The following UBR4 variants were observed in gnomAD, a reference collection of about 807,000 sequenced individuals.
UBR4 encodes ubiquitin protein ligase E3 component n-recognin 4.
In UBR4, 124 loss-of-function variants were observed where a neutral mutation model predicts 575.6. The observed-to-expected ratio is 0.22, with a 90% CI of 0.19 to 0.25. The LOEUF is 0.25. Among genes scored for constraint, UBR4 ranks in the 10% least tolerant of loss-of-function variants. UBR4 has a pLI of 1.00. For missense variants in UBR4, 4,818 were observed against 6,478.8 expected (o/e 0.74, Z 8.80); for synonymous variants, 2,455 against 2,473.7 (o/e 0.99, Z 0.22).
intron 105 of UBR4, among the ~76,000 whole-genome samples, chr1:19,076,419 C>G (rs1224857478): frequency 6.6e-6 from 1 of 152,240 alleles, no homozygotes; most frequent in Admixed American, 6.5e-5. Flanking sequence ...ATTTGATCTT[C>G]AGAGCCTCAT....
intron 60 of UBR4, among the ~76,000 whole-genome samples, chr1:19,135,402 T>C (rs1557728337): frequency 6.6e-6 from 1 of 152,254 alleles, no homozygotes; most frequent in East Asian, 1.9e-4. Flanking sequence ...TAAATGTTAG[T>C]ATCAACTTGT....
intron 60 of UBR4, among the ~76,000 whole-genome samples, chr1:19,134,594 T>C (rs951135908): frequency 6.6e-6 from 1 of 152,196 alleles, no homozygotes; most frequent in Non-Finnish European, 1.5e-5. Context: ...AAGGCCAAGA[T>C]GTTCTGAAGG....
At chr1:19,154,467 T>A (rs2086170817) in intron 44 of UBR4, among the ~76,000 whole-genome samples, 1 of 152,182 alleles carries the variant, frequency 6.6e-6, no homozygotes, top group African/African-American at 2.4e-5. Flanking sequence ...CTCTATTATT[T>A]GCAAACTTGT....
intron 73 of UBR4, among the ~76,000 whole-genome samples, chr1:19,116,228 C>A (rs2080513272): frequency 6.6e-6 from 1 of 152,186 alleles, no homozygotes; most frequent in South Asian, 2.1e-4. Context: ...GGGGTCCTAC[C>A]TCCATTTTAT....
At position 19,141,888 on chromosome 1, in the gene UBR4, C is replaced by T. The variant is rs186392903; in HGVS notation, c.8180-111G>A. 1,226 of 1,494,058 alleles carry T rather than the reference C, an allele frequency of 8.2e-4. 6 individuals carry two copies. In the African/African-American group the frequency reaches 0.015, roughly 18 times the overall value. The allele number at this position is 1,494,058 out of a possible 1,614,324, so 92.6% of individuals were successfully genotyped here. A position where few individuals can be genotyped will look rare whatever the true frequency, so the allele number is the denominator to read the frequency against. On this transcript the variant is annotated intron_variant, in intron 55 of 105. Coordinates refer to ENST00000375254, the MANE Select transcript of UBR4 (RefSeq NM_020765.3). The stretch of plus-strand genomic sequence containing the variant: ...CCAAGACAAGCTACCAGCTAGCACC[C>T]TGGGCTTTAGCGGGAGAACTCCGGG...
intron 61 of UBR4, 82 bp downstream of exon 61, chr1:19,128,895 AG>A: frequency 7.8e-7 from 1 of 1,284,412 alleles, no homozygotes; most frequent in South Asian, 1.2e-5. Flanking sequence ...GAAGGCTTCC[AG>A]GTCCTCTGGA....
chr1:19,110,048 G>A lies in UBR4; in HGVS notation c.12105+48C>T. The A allele has an allele frequency of 1.9e-6, 3 of 1,610,694 alleles. No individual in the cohort carries two copies. Among genetic ancestry groups the A allele is most frequent in the Non-Finnish European group, 2.5e-6 (3 of 1,178,774 alleles). ...AGGGCACACTGCCAGGGAATGAGGA[G>A]GGTGGCCGCCCTGCCCTTCCTTGTT... On this transcript the variant is annotated intron_variant, in intron 81 of 105. Coordinates refer to ENST00000375254, the MANE Select transcript of UBR4 (RefSeq NM_020765.3). This position sits in a 1 kb window ranked among gnomAD's most constrained non-coding sequence, Gnocchi z 4.5.
At chr1:19,171,397 A>G (rs1463690888) in intron 25 of UBR4, among the ~76,000 whole-genome samples, 3 of 152,188 alleles carry the variant, frequency 2.0e-5, no homozygotes, top group Non-Finnish European at 4.4e-5. Flanking sequence ...CCTGGCACGT[A>G]GCAGCCATAC....
chr1:19,158,060 C>T (rs1477414191), intron 39 of UBR4, 63 bp from the exon 40 acceptor site: 29 of 1,544,830 alleles, frequency 1.9e-5, no homozygotes, highest in Non-Finnish European at 2.3e-5. Flanking sequence ...AGTGGATTCA[C>T]GCACTATTCA....
At chr1:19,102,515 G>A (rs948229489) in intron 87 of UBR4, among the ~76,000 whole-genome samples, 2 of 151,362 alleles carry the variant, frequency 1.3e-5, no homozygotes, top group Non-Finnish European at 2.9e-5. Context: ...TAAGGCAAAC[G>A]AGGTTCCCTG....
chr1:19,118,418 C>CTTT (rs35059878), intron 71 of UBR4: 89 of 130,212 alleles, frequency 6.8e-4, no homozygotes, highest in African/African-American at 2.2e-3. Context: ...AACTAAAGAC[C>CTTT]TTTTTTTTTT....
intron 60 of UBR4, among the ~76,000 whole-genome samples, chr1:19,136,751 G>A (rs2083243703): frequency 6.6e-6 from 1 of 152,052 alleles, no homozygotes; most frequent in Non-Finnish European, 1.5e-5. Context: ...AAATCATAGA[G>A]ACCAAATTAA....
intron 5 of UBR4, among the ~76,000 whole-genome samples, chr1:19,198,335 G>T (rs1320510327): frequency 1.3e-5 from 2 of 152,176 alleles, no homozygotes; most frequent in Non-Finnish European, 2.9e-5. Flanking sequence ...AGCCTAGAAT[G>T]GTCGTCAAAA....
Position 19,119,574 on chromosome 1 carries a change from G to C in UBR4, c.10438C>G (p.Pro3480Ala), listed in dbSNP as rs754149289. The C allele has an allele frequency of 1.2e-6, 2 of 1,613,506 alleles. No individual in the cohort carries two copies. Among genetic ancestry groups the C allele is most frequent in the Non-Finnish European group, 1.7e-6 (2 of 1,179,462 alleles). ...DLLGYFSLKT[P>A]QTEKKLKEYS... Reference sequence around the variant, plus strand: ...ACTGTTACCTTCTTCTCTGTTTGTGGAGTTTTCAGGGAGAAATATCCTAGT... The same window carrying C: ...ACTGTTACCTTCTTCTCTGTTTGTGCAGTTTTCAGGGAGAAATATCCTAGT... The change falls in exon 70 of 106, where the codon CCA (proline) becomes GCA (alanine). Residue 3480 changes from proline (P) to alanine (A), a missense_variant. Coordinates refer to ENST00000375254, the MANE Select transcript of UBR4 (RefSeq NM_020765.3).
rs1273242998 is a variant in UBR4, at chr1:19,155,036, A to G, written c.6340T>C (p.Tyr2114His). ...AACATCTGCAACACGTGGGAGTAGT[A>G]CACGGACACACCACCGCCCGCCACC... ...SQVAGGGVSV[Y>H]YSHVLQMLFF... The change falls in exon 44 of 106, where the codon TAC becomes CAC. Residue 2114 changes from tyrosine to histidine, a missense_variant. Tyr to His is a moderately conservative substitution (Grantham distance 83). Coordinates refer to ENST00000375254, the MANE Select transcript of UBR4 (RefSeq NM_020765.3). 6.2e-7 allele frequency: 1 copy of G among 1,613,990 alleles called. No homozygotes were observed. The highest frequency in any genetic ancestry group is 8.5e-7 in the Non-Finnish European group (1 of 1,180,012).
intron 67 of UBR4, 95 bp from the exon 68 acceptor site, chr1:19,121,529 G>T (rs975370479): frequency 4.8e-6 from 7 of 1,444,058 alleles, no homozygotes; most frequent in Non-Finnish European, 5.6e-6. Context: ...AGACTGCCCT[G>T]TTCTCACCAG....
intron 73 of UBR4, among the ~76,000 whole-genome samples, chr1:19,116,906 G>A (rs1022456619): frequency 6.6e-6 from 1 of 152,156 alleles, no homozygotes; most frequent in African/African-American, 2.4e-5. Flanking sequence ...TCTAAGTCTA[G>A]ACCTTTGTGT....
At chr1:19,095,453 G>T in intron 93 of UBR4, 92 bp downstream of exon 93, 1 of 1,208,696 alleles carries the variant, frequency 8.3e-7, no homozygotes, top group Non-Finnish European at 1.2e-6. Flanking sequence ...AAGAAGCCGT[G>T]AGTCCATTTC....
intron 68 of UBR4, among the ~76,000 whole-genome samples, 194 bp from the exon 69 acceptor site, chr1:19,120,542 G>A (rs1382755361): frequency 1.3e-5 from 2 of 152,234 alleles, no homozygotes; most frequent in African/African-American, 4.8e-5. Flanking sequence ...TGAGACATAT[G>A]TGTAACGTTG....
Sources: gnomAD v4.1 joint callset for allele counts (sites outside exome capture counted in the v4.1 genomes callset) on GRCh38, gnomAD v4.1.1 for gene constraint, Gnocchi (gnomAD v3.1) non-coding constraint, MANE v1.5 for transcripts, NCBI Gene and HGNC (gene_info 2026-07-23, HGNC 2026-07-21) for gene names.